The following DPP10 variants were observed in gnomAD, a reference collection of about 807,000 sequenced individuals.
The protein encoded by DPP10 is dipeptidyl peptidase like 10.
DPP10 carries 33 observed loss-of-function variants against 120.9 expected under a neutral mutation model. That is an observed-to-expected ratio of 0.27 (90% CI 0.21 to 0.37). The LOEUF (loss-of-function observed/expected upper bound fraction) is 0.37. DPP10 is among the 10% of genes least tolerant of loss of function. The probability of loss-of-function intolerance (pLI) is 1.00; values close to 1 mark genes in which losing one functional copy is unlikely to be tolerated. For missense variants in DPP10, 816 were observed against 942.8 expected, an observed-to-expected ratio of 0.87 and a Z score of 1.76; for synonymous variants, 337 against 326.1, an observed-to-expected ratio of 1.03 and a Z score of -0.36.
chr2:114,665,281 T>TG (rs1697835151), intron 1 of DPP10, among the ~76,000 whole-genome samples: 1 of 152,202 alleles, frequency 6.6e-6, no homozygotes. Flanking sequence ...CCACCATTCT[T>TG]GAGCTACCTG....
chr2:114,501,014 A>C (rs1469037269), intron 1 of DPP10, among the ~76,000 whole-genome samples: 1 of 152,216 alleles, frequency 6.6e-6, no homozygotes, highest in Non-Finnish European at 1.5e-5. Flanking sequence ...AACCTGCTTT[A>C]GGGTGGAAAC....
intron 1 of DPP10, among the ~76,000 whole-genome samples, chr2:114,804,448 A>C (rs1684547266): frequency 6.6e-6 from 1 of 152,178 alleles, no homozygotes; most frequent in Non-Finnish European, 1.5e-5. Flanking sequence ...TGTGCACCTG[A>C]AAAGCCACAG....
intron 1 of DPP10, among the ~76,000 whole-genome samples, chr2:114,781,053 G>T (rs976195218): frequency 6.6e-6 from 1 of 152,040 alleles, no homozygotes; most frequent in Admixed American, 6.6e-5. Flanking sequence ...CTCTCTTTTT[G>T]TACAGCTCTT....
chr2:115,410,865 T>G (rs1427951002), intron 3 of DPP10, among the ~76,000 whole-genome samples: 2 of 152,202 alleles, frequency 1.3e-5, no homozygotes, highest in African/African-American at 4.8e-5. Context: ...AAACATCATT[T>G]TAATAGTTCT....
At chr2:114,990,593 C>A (rs1700700931) in intron 1 of DPP10, among the ~76,000 whole-genome samples, 1 of 152,160 alleles carries the variant, frequency 6.6e-6, no homozygotes, top group African/African-American at 2.4e-5. Flanking sequence ...TATACCCCAA[C>A]AGTTAATGTG....
intron 1 of DPP10, among the ~76,000 whole-genome samples, chr2:114,987,462 A>G (rs77440494): frequency 0.017 from 2,579 of 151,952 alleles, 88 homozygotes; most frequent in African/African-American, 0.058. Context: ...TGATTTTTCT[A>G]TCCTCTCTTC....
At chr2:115,319,395 A>G (rs1207247282) in intron 2 of DPP10, among the ~76,000 whole-genome samples, 3 of 152,156 alleles carry the variant, frequency 2.0e-5, no homozygotes, top group African/African-American at 7.2e-5. Context: ...TATCAAAATA[A>G]TTTTTAACCT....
intron 8 of DPP10, among the ~76,000 whole-genome samples, chr2:115,736,351 G>A (rs971592283): frequency 6.6e-6 from 1 of 152,130 alleles, no homozygotes; most frequent in Admixed American, 6.6e-5. Context: ...TGCCAAAACT[G>A]AGGTAGAGCA....
intron 7 of DPP10, among the ~76,000 whole-genome samples, chr2:115,725,054 G>T (rs2092732890): frequency 2.0e-5 from 3 of 152,116 alleles, no homozygotes; most frequent in Admixed American, 2.0e-4. Context: ...ATGAGATTTG[G>T]CAGGGACATA....
intron 1 of DPP10, among the ~76,000 whole-genome samples, chr2:114,551,812 G>C (rs547967650): frequency 6.6e-6 from 1 of 152,258 alleles, no homozygotes; most frequent in South Asian, 2.1e-4. Context: ...CCTGGTTACT[G>C]TTTGGAGTTT....
At chr2:114,958,099 G>A (rs778244749) in intron 1 of DPP10, among the ~76,000 whole-genome samples, 10 of 152,110 alleles carry the variant, frequency 6.6e-5, no homozygotes, top group Non-Finnish European at 1.3e-4. Flanking sequence ...CTCCAGGGGT[G>A]CCTCATGGTC....
At chr2:115,413,926 A>C (rs1183862299) in intron 3 of DPP10, among the ~76,000 whole-genome samples, 1 of 151,600 alleles carries the variant, frequency 6.6e-6, no homozygotes, top group East Asian at 1.9e-4. Flanking sequence ...TTTTTTTTCC[A>C]CTTGGTTTTC....
intron 1 of DPP10, among the ~76,000 whole-genome samples, chr2:115,063,749 C>A (rs868178405): frequency 5.3e-5 from 8 of 152,136 alleles, no homozygotes; most frequent in Non-Finnish European, 1.2e-4. Flanking sequence ...TTCCTTACAC[C>A]TTATACAAAA....
At chr2:114,631,407 G>C (rs2105375974) in intron 1 of DPP10, among the ~76,000 whole-genome samples, 2 of 152,240 alleles carry the variant, frequency 1.3e-5, no homozygotes, top group East Asian at 3.9e-4. Flanking sequence ...GTGAATGAGG[G>C]AGGAGTTAAC....
intron 1 of DPP10, among the ~76,000 whole-genome samples, chr2:115,263,155 C>T (rs1042143398): frequency 4.6e-5 from 7 of 152,164 alleles, no homozygotes; most frequent in Non-Finnish European, 8.8e-5. Flanking sequence ...ACAGAAGTCA[C>T]ATCTTCTGGG....
intron 1 of DPP10, among the ~76,000 whole-genome samples, chr2:114,532,501 G>T (rs539331182): frequency 6.6e-6 from 1 of 151,708 alleles, no homozygotes. Context: ...CCCAGGTAAA[G>T]AATTAGAATA....
At chr2:115,337,522 C>T (rs975574257) in intron 2 of DPP10, among the ~76,000 whole-genome samples, 1 of 151,882 alleles carries the variant, frequency 6.6e-6, no homozygotes, top group East Asian at 1.9e-4. Context: ...TGGTCTTTGT[C>T]AACATTGCCG....
intron 3 of DPP10, among the ~76,000 whole-genome samples, chr2:115,418,546 G>A (rs968556171): frequency 6.6e-6 from 1 of 152,122 alleles, no homozygotes; most frequent in African/African-American, 2.4e-5. Context: ...TGAGGCAGGA[G>A]GATTGCTTGA....
At chr2:115,200,119 T>A (rs1470965294) in intron 1 of DPP10, among the ~76,000 whole-genome samples, 1 of 152,146 alleles carries the variant, frequency 6.6e-6, no homozygotes, top group Non-Finnish European at 1.5e-5. Context: ...CCCCCACACT[T>A]CATCTAGTTT....
Sources: gnomAD v4.1 joint callset for allele counts (sites outside exome capture counted in the v4.1 genomes callset) on GRCh38, gnomAD v4.1.1 for gene constraint, MANE v1.5 for transcripts, NCBI Gene and HGNC (gene_info 2026-07-23, HGNC 2026-07-21) for gene names.